Variants in ASTN2 observed in about 807,000 individuals in gnomAD.
ASTN2 encodes the protein astrotactin-2.
A neutral mutation model predicts 139.8 loss-of-function variants in ASTN2; 54 were observed. The ratio of observed to expected loss-of-function variants is 0.39; its 90% CI spans 0.31 to 0.48. The LOEUF is 0.48. Among genes scored for constraint, ASTN2 ranks in the 20% least tolerant of loss-of-function variants. The probability of loss-of-function intolerance (pLI) is 0.95; values close to 1 mark genes in which losing one functional copy is unlikely to be tolerated. For missense variants in ASTN2, 1,565 were observed against 1,725.1 expected, an observed-to-expected ratio of 0.91 and a Z score of 1.64; for synonymous variants, 756 against 719.5, an observed-to-expected ratio of 1.05 and a Z score of -0.81.
chr9:117,226,868 A>G (rs1832730667), intron 2 of ASTN2, among the ~76,000 whole-genome samples: 1 of 152,162 alleles, frequency 6.6e-6, no homozygotes, highest in Non-Finnish European at 1.5e-5. Context: ...TTCCCTGGGA[A>G]TGTGTTGCAG....
At chr9:116,579,262 G>A (rs898425811) in intron 19 of ASTN2, among the ~76,000 whole-genome samples, 4 of 152,148 alleles carry the variant, frequency 2.6e-5, no homozygotes, top group African/African-American at 7.2e-5. Context: ...AGGAAGATAC[G>A]ATCCAAACAC....
intron 1 of ASTN2, among the ~76,000 whole-genome samples, chr9:117,384,090 G>A (rs1229608817): frequency 5.3e-5 from 8 of 152,142 alleles, no homozygotes; most frequent in Admixed American, 2.0e-4. Context: ...TGGGAATATC[G>A]GTAGAGCAGC....
chr9:116,591,208 G>A (rs1854366112), intron 19 of ASTN2, among the ~76,000 whole-genome samples: 1 of 152,154 alleles, frequency 6.6e-6, no homozygotes, highest in Non-Finnish European at 1.5e-5. Flanking sequence ...GCCCTCTTTG[G>A]GGCTCTGGTA....
intron 19 of ASTN2, among the ~76,000 whole-genome samples, chr9:116,608,540 CAA>C (rs1036976070): frequency 9.2e-5 from 14 of 151,970 alleles, no homozygotes; most frequent in Admixed American, 3.3e-4. Context: ...TTTCTCTGTG[CAA>C]AAGAGTTCAA....
intron 3 of ASTN2, among the ~76,000 whole-genome samples, chr9:117,196,025 A>G (rs1238310032): frequency 6.6e-6 from 1 of 152,102 alleles, no homozygotes; most frequent in Non-Finnish European, 1.5e-5. Flanking sequence ...GCTCTCCCTA[A>G]GCTTTTAAGA....
At chr9:116,908,981 C>T (rs747826921) in intron 10 of ASTN2, among the ~76,000 whole-genome samples, 27 of 151,962 alleles carry the variant, frequency 1.8e-4, no homozygotes, top group East Asian at 3.9e-4. Flanking sequence ...AACAAACAGG[C>T]GAGGGACTGG....
intron 17 of ASTN2, among the ~76,000 whole-genome samples, chr9:116,648,240 T>TCAGCC (rs1028508786): frequency 1.2e-4 from 18 of 152,064 alleles, no homozygotes; most frequent in African/African-American, 4.3e-4. Context: ...GACCTCATGA[T>TCAGCC]CAGCCCGTCT....
At chr9:117,350,244 G>A (rs555741314) in intron 1 of ASTN2, among the ~76,000 whole-genome samples, 1 of 152,256 alleles carries the variant, frequency 6.6e-6, no homozygotes, top group African/African-American at 2.4e-5. Context: ...AGAAAGGTTT[G>A]GAGAATAGAG....
chr9:116,426,128 A>G (rs748643801), intron 22 of ASTN2, 40 bp from the exon 23 acceptor site: 1 of 1,604,092 alleles, frequency 6.2e-7, no homozygotes, highest in Non-Finnish European at 8.5e-7. Flanking sequence ...AAAGAAGTCC[A>G]GATCAAGAGT....
At chr9:117,313,262 C>T (rs1828034344) in intron 1 of ASTN2, among the ~76,000 whole-genome samples, 1 of 152,190 alleles carries the variant, frequency 6.6e-6, no homozygotes, top group Non-Finnish European at 1.5e-5. Context: ...AAGTCAAAAC[C>T]TGGGCTTTGG....
chr9:116,747,352 C>T (rs1460473295), intron 13 of ASTN2, among the ~76,000 whole-genome samples: 3 of 152,094 alleles, frequency 2.0e-5, no homozygotes, highest in Non-Finnish European at 4.4e-5. Context: ...TTTAATTTTT[C>T]CCCAAATGAA....
At chr9:117,186,299 C>A (rs1189263750) in intron 3 of ASTN2, among the ~76,000 whole-genome samples, 3 of 152,208 alleles carry the variant, frequency 2.0e-5, no homozygotes, top group South Asian at 2.1e-4. Context: ...GTAATCCCAG[C>A]ACTTTGGGAG....
intron 2 of ASTN2, among the ~76,000 whole-genome samples, chr9:117,247,942 G>C (rs1833430296): frequency 1.3e-5 from 2 of 152,288 alleles, no homozygotes; most frequent in Middle Eastern, 3.4e-3. Context: ...AACACGCTGT[G>C]TCTCATTAGT....
chr9:117,398,004 ACT>A (rs933918871), intron 1 of ASTN2, among the ~76,000 whole-genome samples: 7 of 151,352 alleles, frequency 4.6e-5, no homozygotes, highest in African/African-American at 1.7e-4. Flanking sequence ...CATATTCCAC[ACT>A]CTCTGTGTCT....
chr9:117,294,974 C>T (rs879265345), intron 1 of ASTN2, among the ~76,000 whole-genome samples: 3 of 152,212 alleles, frequency 2.0e-5, no homozygotes, highest in Non-Finnish European at 4.4e-5. Context: ...TCTTCACACA[C>T]ATCCAACCTT....
At position 117,414,233 on chromosome 9, in the gene ASTN2, A is replaced by G. The variant is rs576095557; in HGVS notation, c.442+264T>C. The stretch of plus-strand genomic sequence containing the variant: ...TCCGGGATGGATCAAGCAGAGCTCC[A>G]GGTCGGGACTGAGAGGCAGAGGGGC... On this transcript the variant is annotated intron_variant, in intron 1 of 22. Transcript: ENST00000313400. The surrounding 1 kb of genome is among the most constrained non-coding windows in gnomAD (Gnocchi z 4.2). Among the ~76,000 whole-genome samples the G allele has an allele frequency of 7.5e-4, 114 of 152,198 alleles. No individual in the cohort carries two copies. The highest frequency in any genetic ancestry group is 1.0e-3 in the Non-Finnish European group (70 of 67,996).
At chr9:116,820,878 G>C in intron 11 of ASTN2, 95 bp from the exon 12 acceptor site, 3 of 1,291,856 alleles carry the variant, frequency 2.3e-6, no homozygotes, top group Admixed American at 2.7e-5. Context: ...ATGTGTCAGG[G>C]CCTGACAGAA....
At chr9:117,221,772 G>A (rs890563428) in intron 2 of ASTN2, among the ~76,000 whole-genome samples, 22 of 151,680 alleles carry the variant, frequency 1.5e-4, no homozygotes, top group African/African-American at 3.4e-4. Flanking sequence ...GATCCGAGAC[G>A]TCTCCTTTCA....
intron 6 of ASTN2, among the ~76,000 whole-genome samples, chr9:117,036,733 C>A (rs1206674935): frequency 6.6e-6 from 1 of 152,162 alleles, no homozygotes; most frequent in Non-Finnish European, 1.5e-5. Context: ...CCTGCAATAA[C>A]CATAATACAG....
Sources: gnomAD v4.1 joint callset for allele counts (sites outside exome capture counted in the v4.1 genomes callset) on GRCh38, gnomAD v4.1.1 for gene constraint, Gnocchi (gnomAD v3.1) non-coding constraint, MANE v1.5 for transcripts, NCBI Gene and HGNC (gene_info 2026-07-23, HGNC 2026-07-21) for gene names.